The following KLC1 variants were observed in gnomAD, a reference collection of about 807,000 sequenced individuals.
KLC1 encodes the protein kinesin 2 60/70kDa.
KLC1 carries 30 observed loss-of-function variants against 84.2 expected under a neutral mutation model. The ratio of observed to expected loss-of-function variants is 0.36; its 90% CI spans 0.27 to 0.48. The LOEUF (loss-of-function observed/expected upper bound fraction) is 0.48, where lower values mean the gene tolerates loss of function less well. Ranked by LOEUF, KLC1 falls within the 20% of genes least tolerant of loss-of-function variation. The probability of loss-of-function intolerance (pLI) is 0.99; values close to 1 mark genes in which losing one functional copy is unlikely to be tolerated. For synonymous variants in KLC1, 289 were observed against 293.3 expected (o/e 0.99, Z 0.15); for missense variants, 499 against 805.4 (o/e 0.62, Z 4.60).
In KLC1 at chr14:103,634,243, TG is replaced by T. The variant is rs1284645246; in HGVS notation, c.-2+4753del. Among the ~76,000 whole-genome samples the T allele has an allele frequency of 2.6e-5, 4 of 152,114 alleles. No individual in the cohort carries two copies. The East Asian group carries it at 7.7e-4, about 29-fold the overall frequency. On this transcript the variant is annotated intron_variant, in intron 1 of 16. Coordinates refer to ENST00000334553, the MANE Select transcript of KLC1 (RefSeq NM_001394837.1). ...TTAACATTCATAACCTCCACAAGGA[TG>T]GGGAGTTTTGTCTCTTGTATTCAGT...
At position 103,692,371 on chromosome 14, in the gene KLC1, C is replaced by T. The variant is rs1201455191; in HGVS notation, c.1794C>T (p.Ala598=). Residue 598 remains alanine (A), a synonymous_variant, in exon 15 of 17, where the codon GCC becomes GCT. Coordinates refer to ENST00000334553, the MANE Select transcript of KLC1 (RefSeq NM_001394837.1). The part of the protein sequence containing the change: ...SEPKNPGMKR[A]SSLNVLNVGG... Reference sequence around the variant, plus strand: ...GTCCGGGTTGCAGCATGAAGCGTGCCAGCTCTCTGAATGTCCTTAACGTGG... The same window carrying T: ...GTCCGGGTTGCAGCATGAAGCGTGCTAGCTCTCTGAATGTCCTTAACGTGG... 5.2e-6 allele frequency: 8 copies of T among 1,536,560 alleles called. No individual in the cohort carries two copies. In the South Asian group the frequency reaches 7.1e-5, roughly 14 times the overall value.
intron 1 of KLC1, among the ~76,000 whole-genome samples, chr14:103,640,524 C>T (rs2077405744): frequency 6.6e-6 from 1 of 152,078 alleles, no homozygotes; most frequent in Non-Finnish European, 1.5e-5. Context: ...CCACGCCTGG[C>T]TAATTTTTTG....
intron 11 of KLC1, among the ~76,000 whole-genome samples, chr14:103,676,883 A>G (rs954679227): frequency 1.3e-5 from 2 of 152,202 alleles, no homozygotes; most frequent in South Asian, 4.1e-4. Flanking sequence ...AAGAACACAG[A>G]AACACAGCCG....
Position 103,662,727 on chromosome 14 carries a change from C to A in KLC1, c.597C>A (p.Ala199=). 6.2e-7 allele frequency: 1 copy of A among 1,602,382 alleles called. No homozygotes were observed. Among genetic ancestry groups the A allele is most frequent in the Non-Finnish European group, 8.5e-7 (1 of 1,174,516 alleles). ...TCCAGCAGCAGCACAGCAGTGCAGC[C>A]GCGGCTGCCCAGCAGGGCGGCTACG... ...QGIQQQHSSA[A]AAAQQGGYEI... Residue 199 remains alanine (A), a synonymous_variant, in exon 5 of 17, where the codon GCC becomes GCA. Coordinates refer to ENST00000334553, the MANE Select transcript of KLC1 (RefSeq NM_001394837.1).
Position 103,636,921 on chromosome 14 carries a change from G to A in KLC1, c.-2+7427G>A, listed in dbSNP as rs1595225882. On this transcript the variant is annotated intron_variant, in intron 1 of 16. Transcript: ENST00000334553. ...TTTTTGTTGTATTTTTATTAGATAT[G>A]GGTTTCACCATGTTAGCCAGGATGG... 2.7e-5 allele frequency among the ~76,000 whole-genome samples: 4 copies of A among 150,702 alleles called. No homozygotes were observed. In the South Asian group the frequency reaches 6.3e-4, roughly 24 times the overall value.
At chr14:103,649,416 A>G (rs771292576) in intron 1 of KLC1, among the ~76,000 whole-genome samples, 1 of 152,112 alleles carries the variant, frequency 6.6e-6, no homozygotes, top group Non-Finnish European at 1.5e-5. Flanking sequence ...AGTGACTTAC[A>G]GTCTGTAGAC....
At chr14:103,632,870 A>G (rs1186059881) in intron 1 of KLC1, among the ~76,000 whole-genome samples, 1 of 151,630 alleles carries the variant, frequency 6.6e-6, no homozygotes, top group African/African-American at 2.4e-5. Flanking sequence ...AGCCAGTGTC[A>G]GGGGGTCAGG....
At chr14:103,640,679 A>G (rs1278615088) in intron 1 of KLC1, among the ~76,000 whole-genome samples, 2 of 151,798 alleles carry the variant, frequency 1.3e-5, no homozygotes, top group South Asian at 2.1e-4. Context: ...CTTAATATAC[A>G]TATTGTATGT....
intron 11 of KLC1, among the ~76,000 whole-genome samples, chr14:103,676,311 C>G (rs1196143253): frequency 1.3e-5 from 2 of 152,124 alleles, no homozygotes; most frequent in Non-Finnish European, 2.9e-5. Flanking sequence ...TCTTGTCTCC[C>G]AGGCTGGAGT....
chr14:103,686,467 C>T (rs1411449758), intron 13 of KLC1: 1 of 153,230 alleles, frequency 6.5e-6, no homozygotes, highest in Non-Finnish European at 1.5e-5. Context: ...TGGGCACTCT[C>T]ACCTCCCTAC....
intron 1 of KLC1, among the ~76,000 whole-genome samples, chr14:103,633,133 C>G (rs1484220280): frequency 6.6e-6 from 1 of 151,704 alleles, no homozygotes; most frequent in African/African-American, 2.4e-5. Context: ...CCTCTGCTCA[C>G]TGCAGCCTCT....
chr14:103,668,186 T>C (rs1486107844), intron 5 of KLC1, among the ~76,000 whole-genome samples: 2 of 152,242 alleles, frequency 1.3e-5, no homozygotes, highest in African/African-American at 4.8e-5. Flanking sequence ...CCCAAAGCCA[T>C]GTAGCCATTA....
At chr14:103,673,711 C>T (rs1309870229) in intron 9 of KLC1, among the ~76,000 whole-genome samples, 1 of 152,126 alleles carries the variant, frequency 6.6e-6, no homozygotes, top group East Asian at 1.9e-4. Flanking sequence ...ATCACGAGGT[C>T]AGGCGATCGA....
At chr14:103,695,043 A>G in intron 15 of KLC1, 1 of 985,392 alleles carries the variant, frequency 1.0e-6, no homozygotes, top group Non-Finnish European at 1.2e-6. Context: ...TCCTGACTCC[A>G]TTCTTGCAGA....
chr14:103,691,458 C>CT (rs71126053), intron 14 of KLC1, among the ~76,000 whole-genome samples: 4,900 of 68,686 alleles, frequency 0.071, 781 homozygotes, highest in East Asian at 0.16. Flanking sequence ...CCACGCCTGG[C>CT]TTTTTTTTTT....
At chr14:103,650,185 TGTCA>T (rs989881227) in intron 1 of KLC1, among the ~76,000 whole-genome samples, 4 of 151,640 alleles carry the variant, frequency 2.6e-5, no homozygotes, top group Non-Finnish European at 5.9e-5. Flanking sequence ...ATAGCTTGTG[TGTCA>T]GTCAGAGGGA....
At chr14:103,696,667 G>C in intron 15 of KLC1, 1 of 985,518 alleles carries the variant, frequency 1.0e-6, no homozygotes, top group Non-Finnish European at 1.2e-6. Flanking sequence ...GGGGCCAGCT[G>C]TCTCAGGGCT....
intron 5 of KLC1, among the ~76,000 whole-genome samples, chr14:103,664,110 G>T (rs745661450): frequency 1.6e-4 from 25 of 152,062 alleles, no homozygotes; most frequent in Non-Finnish European, 3.5e-4. Flanking sequence ...GACATTTTTT[G>T]ACTGTTTTCC....
intron 1 of KLC1, among the ~76,000 whole-genome samples, chr14:103,642,092 G>A (rs573741411): frequency 9.2e-5 from 14 of 152,016 alleles, no homozygotes; most frequent in Admixed American, 7.9e-4. Context: ...CACCATGCCC[G>A]GCTAATTTTG....
Sources: allele counts gnomAD v4.1 joint callset (sites outside exome capture counted in the v4.1 genomes callset), GRCh38; gene constraint gnomAD v4.1.1; transcripts MANE v1.5; gene names NCBI Gene and HGNC (gene_info 2026-07-23, HGNC 2026-07-21).